The following FAF1 variants were observed in gnomAD, a reference collection of about 807,000 sequenced individuals.
The protein encoded by FAF1 is Fas associated factor 1.
In FAF1, 25 loss-of-function variants were observed where a neutral mutation model predicts 92.5. That is an observed-to-expected ratio of 0.27 (90% confidence interval 0.20 to 0.38). The LOEUF (loss-of-function observed/expected upper bound fraction) is 0.38. FAF1 is among the 10% of genes least tolerant of loss of function. FAF1 has a pLI of 1.00. For synonymous variants in FAF1, 234 were observed against 273.2 expected, an observed-to-expected ratio of 0.86 and a Z score of 1.42; for missense variants, 636 against 793.3, an observed-to-expected ratio of 0.80 and a Z score of 2.38.
intron 1 of FAF1, among the ~76,000 whole-genome samples, chr1:50,931,434 T>C (rs560809355): frequency 6.6e-6 from 1 of 151,900 alleles, no homozygotes; most frequent in East Asian, 1.9e-4. Context: ...CAGTTCCACA[T>C]AGCTGGGGAA....
At chr1:50,595,688 G>A (rs1200805797) in intron 9 of FAF1, among the ~76,000 whole-genome samples, 3 of 151,820 alleles carry the variant, frequency 2.0e-5, no homozygotes, top group Admixed American at 2.0e-4. Flanking sequence ...GATTATAGGT[G>A]TCTGCCACCA....
intron 3 of FAF1, among the ~76,000 whole-genome samples, chr1:50,792,846 T>C (rs1210031309): frequency 6.6e-6 from 1 of 152,132 alleles, no homozygotes; most frequent in Non-Finnish European, 1.5e-5. Context: ...AGAGGTCAAA[T>C]GGCAAAATTT....
intron 9 of FAF1, among the ~76,000 whole-genome samples, chr1:50,587,899 C>T (rs551424295): frequency 9.9e-5 from 15 of 152,168 alleles, no homozygotes; most frequent in Non-Finnish European, 1.5e-4. Context: ...ATTTAGAACT[C>T]ATAACTGGCA....
chr1:50,894,034 G>A (rs1644739535), intron 1 of FAF1, among the ~76,000 whole-genome samples: 2 of 152,018 alleles, frequency 1.3e-5, no homozygotes, highest in Non-Finnish European at 2.9e-5. Context: ...AAGCCCAAGG[G>A]CTGCCTGTAA....
intron 4 of FAF1, among the ~76,000 whole-genome samples, chr1:50,764,106 A>C (rs928060373): frequency 6.6e-6 from 1 of 152,146 alleles, no homozygotes; most frequent in African/African-American, 2.4e-5. Flanking sequence ...CTTTCTCATT[A>C]CTTTTTTTGT....
rs915832900 is a variant in FAF1, at chr1:50,733,941, C to T, written c.551+4922G>A. 2.1e-4 allele frequency among the ~76,000 whole-genome samples: 32 copies of T among 152,136 alleles called. 1 individual carries two copies. Among genetic ancestry groups the T allele is most frequent in the African/African-American group, 1.2e-4 (5 of 41,434 alleles). On this transcript the variant is annotated intron_variant, in intron 6 of 18. Coordinates refer to ENST00000396153, the MANE Select transcript of FAF1 (RefSeq NM_007051.3). ...CCTCCTGAGTAGCTCGGGTTACAGG[C>T]GTGCACCACCACACCCAGATAATTT...
At chr1:50,688,456 T>C (rs1466157239) in intron 7 of FAF1, among the ~76,000 whole-genome samples, 1 of 152,184 alleles carries the variant, frequency 6.6e-6, no homozygotes, top group African/African-American at 2.4e-5. Flanking sequence ...TCTATCAGTG[T>C]GTGAATGGAT....
At chr1:50,686,912 T>C (rs1395075818) in intron 7 of FAF1, among the ~76,000 whole-genome samples, 1 of 152,152 alleles carries the variant, frequency 6.6e-6, no homozygotes, top group African/African-American at 2.4e-5. Context: ...CACTGCAACC[T>C]CTGCCTCCCG....
At chr1:50,733,281 A>G (rs1333341820) in intron 6 of FAF1, among the ~76,000 whole-genome samples, 2 of 152,216 alleles carry the variant, frequency 1.3e-5, no homozygotes, top group African/African-American at 2.4e-5. Context: ...TCTGTCATCA[A>G]CCATTACTGT....
intron 8 of FAF1, among the ~76,000 whole-genome samples, chr1:50,634,144 T>C (rs143433357): frequency 3.9e-5 from 6 of 152,316 alleles, no homozygotes; most frequent in Middle Eastern, 3.4e-3. Context: ...CTACTTACCA[T>C]GCATAAATGT....
At chr1:50,670,127 G>GA (rs1008153553) in intron 7 of FAF1, among the ~76,000 whole-genome samples, 903 of 74,720 alleles carry the variant, frequency 0.012, 5 homozygotes, top group Middle Eastern at 0.042. Flanking sequence ...GTCTCAAAAA[G>GA]AAAAAAAAAA....
intron 1 of FAF1, among the ~76,000 whole-genome samples, chr1:50,889,384 A>T (rs1259739343): frequency 6.6e-6 from 1 of 151,864 alleles, no homozygotes; most frequent in Non-Finnish European, 1.5e-5. Flanking sequence ...CTCTGATCTT[A>T]GTTATTTCTT....
intron 2 of FAF1, among the ~76,000 whole-genome samples, chr1:50,816,321 C>T (rs1346261993): frequency 6.6e-6 from 1 of 151,248 alleles, no homozygotes; most frequent in Non-Finnish European, 1.5e-5. Context: ...TCTCCTGCCT[C>T]AGCCTCCCGA....
chr1:50,540,690 A>G (rs1648717558), intron 13 of FAF1, among the ~76,000 whole-genome samples: 1 of 152,204 alleles, frequency 6.6e-6, no homozygotes, highest in African/African-American at 2.4e-5. Context: ...AGAAAAGGGT[A>G]GCTTATGATA....
chr1:50,602,587 C>T lies in FAF1; in HGVS notation c.745-6371G>A, dbSNP rs559181919. On this transcript the variant is annotated intron_variant, in intron 8 of 18. Coordinates refer to ENST00000396153, the MANE Select transcript of FAF1 (RefSeq NM_007051.3). ...GTGTGATCTCAGCTCACTGCAACCT[C>T]CGTCTCCCAGGTTCAAACGATTCTC... 5.3e-5 allele frequency among the ~76,000 whole-genome samples: 8 copies of T among 151,212 alleles called. No homozygotes were observed. In the East Asian group the frequency reaches 1.6e-3, roughly 29 times the overall value.
chr1:50,948,534 C>CTTTTTTTTTT (rs1167611825), intron 1 of FAF1, among the ~76,000 whole-genome samples: 1 of 139,068 alleles, frequency 7.2e-6, no homozygotes, highest in African/African-American at 2.7e-5. Flanking sequence ...TTTTCTTTTT[C>CTTTTTTTTTT]TTTTTTTTTT....
intron 6 of FAF1, among the ~76,000 whole-genome samples, chr1:50,732,707 T>A (rs1297288661): frequency 6.6e-6 from 1 of 152,006 alleles, no homozygotes; most frequent in Non-Finnish European, 1.5e-5. Flanking sequence ...AATAGGAGAG[T>A]TTAGTACTTT....
chr1:50,627,467 G>A (rs1261246921), intron 8 of FAF1, among the ~76,000 whole-genome samples: 2 of 152,000 alleles, frequency 1.3e-5, no homozygotes, highest in Admixed American at 1.3e-4. Flanking sequence ...ATAAACGGGT[G>A]AAATATCCAC....
At chr1:50,608,355 C>A (rs1652524217) in intron 8 of FAF1, among the ~76,000 whole-genome samples, 1 of 152,118 alleles carries the variant, frequency 6.6e-6, no homozygotes, top group Non-Finnish European at 1.5e-5. Flanking sequence ...GAGTTCAGTC[C>A]CGCCTTGCAC....
Sources: allele counts gnomAD v4.1 joint callset (sites outside exome capture counted in the v4.1 genomes callset), GRCh38; gene constraint gnomAD v4.1.1; transcripts MANE v1.5; gene names NCBI Gene and HGNC (gene_info 2026-07-23, HGNC 2026-07-21).